PRKN: variants seen among roughly 807,000 people sequenced by gnomAD.
PRKN encodes the protein E3 ubiquitin-protein ligase parkin.
Under a neutral mutation model 59.5 loss-of-function variants are expected in PRKN, and 56 were observed. That is an observed-to-expected ratio of 0.94 (90% CI 0.76 to 1.18). The LOEUF (loss-of-function observed/expected upper bound fraction) is 1.18, where lower values mean the gene tolerates loss of function less well. PRKN is among the 50% of genes most tolerant of loss of function. The pLI is 0.00. For synonymous variants in PRKN, 250 were observed against 222.1 expected, an observed-to-expected ratio of 1.13 and a Z score of -1.12; for missense variants, 657 against 596.4, an observed-to-expected ratio of 1.10 and a Z score of -1.06.
rs5881441 is a variant in PRKN at position 161,861,616 on chromosome 6, CAA to C, written c.735-75710_735-75709del. Among the ~76,000 whole-genome samples, 1,276 of 141,692 alleles carry C rather than the reference CAA, an allele frequency of 9.0e-3. 19 individuals carry two copies. Among genetic ancestry groups the C allele is most frequent in the South Asian group, 0.061 (273 of 4,452 alleles). 93.0% of individuals were successfully genotyped at this position (141,692 alleles called of 152,430 possible). A position where few individuals can be genotyped will look rare whatever the true frequency, so the allele number is the denominator to read the frequency against. On this transcript the variant is annotated intron_variant, in intron 6 of 11. Coordinates refer to ENST00000366898, the MANE Select transcript of PRKN (RefSeq NM_004562.3). ...AATTTTTTTAAAAAGTATAAACATT[CAA>C]AAAAAAAAAAAAAAACCTTAGAGTC...
intron 4 of PRKN, among the ~76,000 whole-genome samples, chr6:162,091,148 C>A (rs1330383277): frequency 6.6e-6 from 1 of 150,392 alleles, no homozygotes; most frequent in Non-Finnish European, 1.5e-5. Context: ...ATTACTGTTA[C>A]ATGATTATAA....
rs1024118072 is a variant in PRKN, at chr6:161,390,254, G to A, written c.1084-3377C>T. On this transcript the variant is annotated intron_variant, in intron 9 of 11. Coordinates refer to ENST00000366898, the MANE Select transcript of PRKN (RefSeq NM_004562.3). This position sits in a 1 kb window ranked among gnomAD's most constrained non-coding sequence, Gnocchi z 7.0. ...CACACTACGCACCAGAGTGCCCTGCGGTACTGTAACAAACTCACAGGGGTG... is the reference window on the plus strand; with the variant it reads ...CACACTACGCACCAGAGTGCCCTGCAGTACTGTAACAAACTCACAGGGGTG... 6.6e-5 allele frequency among the ~76,000 whole-genome samples: 10 copies of A among 152,210 alleles called. No homozygotes were observed. The highest frequency in any genetic ancestry group is 2.2e-4 in the African/African-American group (9 of 41,540).
intron 3 of PRKN, among the ~76,000 whole-genome samples, chr6:162,210,448 C>G (rs938178369): frequency 6.6e-6 from 1 of 152,138 alleles, no homozygotes; most frequent in East Asian, 1.9e-4. Flanking sequence ...AAGCTGTAGG[C>G]ATTTACCCCT....
rs1791554636 is a variant in PRKN, at chr6:161,484,342, G to A, written c.1083+64512C>T. ...AGACGCACTGGAAACCTCTAGATGG[G>A]CCATCCAGCCTGAAGAAAGCCTTTC... On this transcript the variant is annotated intron_variant, in intron 9 of 11. Transcript: ENST00000366898. This position sits in a 1 kb window ranked among gnomAD's most constrained non-coding sequence, Gnocchi z 4.9. 6.6e-6 allele frequency among the ~76,000 whole-genome samples: 1 copy of A among 152,072 alleles called. No individual in the cohort carries two copies. Among genetic ancestry groups the A allele is most frequent in the South Asian group, 2.1e-4 (1 of 4,820 alleles).
rs145451920 is a variant in PRKN, at chr6:162,054,968, T to C, written c.535-794A>G. ...CCTGAGGTCAGGAGTTCAAGACCAG[T>C]CTGACTAACATGGCGAAACCCTGTC... On this transcript the variant is annotated intron_variant, in intron 4 of 11. Transcript: ENST00000366898. Among the ~76,000 whole-genome samples, 722 of 152,168 alleles carry C rather than the reference T, an allele frequency of 4.7e-3. 4 individuals are homozygous for C. Among genetic ancestry groups the C allele is most frequent in the African/African-American group, 0.017 (689 of 41,524 alleles).
At chr6:161,637,226 T>C (rs1176203861) in intron 7 of PRKN, among the ~76,000 whole-genome samples, 1 of 152,186 alleles carries the variant, frequency 6.6e-6, no homozygotes, top group Admixed American at 6.5e-5. Context: ...TTCACCTTGG[T>C]GACACCATGC....
chr6:162,263,505 T>C (rs1183698275), intron 2 of PRKN, among the ~76,000 whole-genome samples: 2 of 152,154 alleles, frequency 1.3e-5, no homozygotes, highest in East Asian at 3.8e-4. Flanking sequence ...GATTTAACCA[T>C]GAAAACCAGC....
intron 7 of PRKN, among the ~76,000 whole-genome samples, chr6:161,620,508 A>G (rs931590685): frequency 6.6e-6 from 1 of 152,208 alleles, no homozygotes. Flanking sequence ...GGATGTAGGT[A>G]TCACATGGAA....
At chr6:162,265,465 C>A (rs562437182) in intron 2 of PRKN, among the ~76,000 whole-genome samples, 1 of 152,144 alleles carries the variant, frequency 6.6e-6, no homozygotes, top group Non-Finnish European at 1.5e-5. Flanking sequence ...CTGGGGTGGG[C>A]GGATCACTTG....
intron 6 of PRKN, among the ~76,000 whole-genome samples, chr6:161,845,590 G>A (rs1159759280): frequency 6.6e-6 from 1 of 152,152 alleles, no homozygotes; most frequent in African/African-American, 2.4e-5. Context: ...GCCAGGGTCG[G>A]TTAAATTCAT....
At chr6:161,838,635 C>T (rs1286308473) in intron 6 of PRKN, among the ~76,000 whole-genome samples, 1 of 152,194 alleles carries the variant, frequency 6.6e-6, no homozygotes, top group Admixed American at 6.5e-5. Context: ...TTAATGCTTC[C>T]TAATATTCTC....
Position 161,487,606 on chromosome 6 carries a change from AACT to A in PRKN, c.1083+61245_1083+61247del, listed in dbSNP as rs1229580282. Among the ~76,000 whole-genome samples the A allele has an allele frequency of 1.3e-5, 2 of 152,208 alleles. No homozygotes were observed. The highest frequency in any genetic ancestry group is 2.9e-5 in the Non-Finnish European group (2 of 68,038). On this transcript the variant is annotated intron_variant, in intron 9 of 11. Transcript: ENST00000366898. This position sits in a 1 kb window ranked among gnomAD's most constrained non-coding sequence, Gnocchi z 5.3. ...TAAGATCTATTTTAGACTTGCAAAC[AACT>A]ACAAGGAGAAATTAGTTGAATAATA...
chr6:162,637,866 C>T (rs1023655559), intron 1 of PRKN, among the ~76,000 whole-genome samples: 1 of 152,016 alleles, frequency 6.6e-6, no homozygotes, highest in African/African-American at 2.4e-5. Context: ...GCATTCATTT[C>T]CAATTATGGT....
rs1322961306 is a variant in PRKN at position 162,316,807 on chromosome 6, TA to T, written c.172-54043del. Among the ~76,000 whole-genome samples the T allele has an allele frequency of 2.0e-5, 3 of 152,252 alleles. No homozygotes were observed. The East Asian group carries it at 5.8e-4, about 29-fold the overall frequency. ...ATTCCTTTCTTTAAAAGGATCTCAG[TA>T]TAGTTAATGAAATAAGACATATTTA... On this transcript the variant is annotated intron_variant, in intron 2 of 11. Coordinates refer to ENST00000366898, the MANE Select transcript of PRKN (RefSeq NM_004562.3).
At chr6:161,866,806 G>C (rs1036977731) in intron 6 of PRKN, among the ~76,000 whole-genome samples, 2 of 152,142 alleles carry the variant, frequency 1.3e-5, no homozygotes, top group African/African-American at 4.8e-5. Flanking sequence ...GGGAGGATGT[G>C]GGGTAAGGAC....
intron 4 of PRKN, among the ~76,000 whole-genome samples, chr6:162,195,767 A>G (rs924901058): frequency 1.3e-5 from 2 of 152,112 alleles, no homozygotes; most frequent in Non-Finnish European, 2.9e-5. Flanking sequence ...AGACCAATAA[A>G]CTGAGTACAA....
intron 1 of PRKN, among the ~76,000 whole-genome samples, chr6:162,573,213 A>T (rs7450548): frequency 0.22 from 33,834 of 152,080 alleles, 4,529 homozygotes; most frequent in African/African-American, 0.37. Flanking sequence ...GGGTGATCCT[A>T]AAACTGAAAT....
intron 4 of PRKN, among the ~76,000 whole-genome samples, chr6:162,072,325 T>C (rs1778613561): frequency 6.6e-6 from 1 of 152,014 alleles, no homozygotes; most frequent in Admixed American, 6.6e-5. Flanking sequence ...ACTGAGACTC[T>C]TTGAGGGTAT....
chr6:162,236,306 T>C (rs1021614531), intron 3 of PRKN, among the ~76,000 whole-genome samples: 3 of 152,184 alleles, frequency 2.0e-5, no homozygotes, highest in South Asian at 2.1e-4. Context: ...GAAATGCTTA[T>C]TGGTTAAATT....
Sources: allele counts gnomAD v4.1 joint callset (sites outside exome capture counted in the v4.1 genomes callset), GRCh38; gene constraint gnomAD v4.1.1; non-coding constraint Gnocchi (gnomAD v3.1); transcripts MANE v1.5; gene names NCBI Gene and HGNC (gene_info 2026-07-23, HGNC 2026-07-21).